Variants in CCN4 observed in about 807,000 individuals in gnomAD.
CCN4 encodes cellular communication network factor 4.
CCN4 carries 30 observed loss-of-function variants against 36.7 expected under a neutral mutation model. That is an observed-to-expected ratio of 0.82 (90% CI 0.61 to 1.11). CCN4 has a LOEUF of 1.11. CCN4 is among the 50% of genes least tolerant of loss of function. The pLI is 0.00. For missense variants in CCN4, 505 were observed against 504.9 expected (o/e 1.00, Z 0.00); for synonymous variants, 191 against 195.4 (o/e 0.98, Z 0.19).
chr8:133,201,814 G>C (rs888040445), intron 1 of CCN4, among the ~76,000 whole-genome samples: 3 of 151,544 alleles, frequency 2.0e-5, no homozygotes, highest in African/African-American at 7.3e-5. Flanking sequence ...CTGCACTCCA[G>C]CCTAGACGAT....
At chr8:133,213,181 G>C (rs762683348) in intron 2 of CCN4, 38 bp downstream of exon 2, 1 of 1,569,774 alleles carries the variant, frequency 6.4e-7, no homozygotes, top group Non-Finnish European at 8.7e-7. Context: ...CAGCCCCTGA[G>C]CACCCCCAGC....
chr8:133,198,277 C>T (rs979630383), intron 1 of CCN4, among the ~76,000 whole-genome samples: 2 of 152,224 alleles, frequency 1.3e-5, no homozygotes, highest in East Asian at 1.9e-4. Context: ...TTTAGATGTG[C>T]TTTGTCCCTC....
At chr8:133,223,918 C>A (rs1478207696) in intron 3 of CCN4, among the ~76,000 whole-genome samples, 1 of 152,146 alleles carries the variant, frequency 6.6e-6, no homozygotes, top group African/African-American at 2.4e-5. Flanking sequence ...CTTCTAGATG[C>A]GGGAGATACA....
At chr8:133,212,734 G>C in intron 1 of CCN4, 130 bp from the exon 2 acceptor site, 1 of 739,712 alleles carries the variant, frequency 1.4e-6, no homozygotes, top group Non-Finnish European at 2.2e-6. Flanking sequence ...GCTATCAAAA[G>C]CGTGATAGAA....
chr8:133,217,942 A>ACACACACG (rs1282980443), intron 2 of CCN4, among the ~76,000 whole-genome samples: 5 of 151,784 alleles, frequency 3.3e-5, no homozygotes, highest in Non-Finnish European at 7.4e-5. Context: ...TTCTCCACAC[A>ACACACACG]CACACACACA....
intron 2 of CCN4, among the ~76,000 whole-genome samples, chr8:133,215,854 A>T (rs1274289338): frequency 6.6e-6 from 1 of 152,222 alleles, no homozygotes; most frequent in Non-Finnish European, 1.5e-5. Flanking sequence ...AGAAATTCTC[A>T]GAGGCTTCAA....
chr8:133,231,227 C>T lies in CCN4; in HGVS notation c.*3517C>T, dbSNP rs1369722918. ...ACTATTATGTTGAACTATGTCGCTG[C>T]TTTTTACAAACTTGTCTTGATCCAA... is the stretch of plus-strand genomic sequence containing the variant. On this transcript the variant is annotated 3_prime_UTR_variant, in exon 5 of 5. Coordinates refer to ENST00000250160, the MANE Select transcript of CCN4 (RefSeq NM_003882.4). The T allele has an allele frequency of 6.6e-6, 1 of 152,130 alleles. No homozygotes were observed. The highest frequency in any genetic ancestry group is 6.5e-5 in the Admixed American group (1 of 15,268). 9.4% of individuals were successfully genotyped at this position (152,130 alleles called of 1,614,324 possible).
At position 133,225,488 on chromosome 8, in the gene CCN4, C is replaced by A. The variant is rs781544299; in HGVS notation, c.709C>A (p.Arg237=). ...STSCGLGVST[R]ISNVNAQCWP... The stretch of plus-strand genomic sequence containing the variant: ...CAGCTGCGGCCTGGGGGTCTCCACT[C>A]GGATCTCCAATGTTAACGCCCAGTG... Residue 237 remains arginine (R), a synonymous_variant, in exon 4 of 5, where the codon CGG becomes AGG. Coordinates refer to ENST00000250160, the MANE Select transcript of CCN4 (RefSeq NM_003882.4). The A allele has an allele frequency of 6.2e-7, 1 of 1,614,086 alleles. No individual in the cohort carries two copies. The highest frequency in any genetic ancestry group is 2.2e-5 in the East Asian group (1 of 44,884).
intron 1 of CCN4, among the ~76,000 whole-genome samples, chr8:133,197,905 CGGGTAATTCTAAGAGTAG>C (rs568931502): frequency 6.6e-6 from 1 of 152,150 alleles, no homozygotes; most frequent in South Asian, 2.1e-4. Flanking sequence ...GGGATGAAGG[CGGGTAATTCTAAGAGTAG>C]GGGAATATCC....
intron 1 of CCN4, among the ~76,000 whole-genome samples, chr8:133,197,017 C>T (rs1375655832): frequency 6.6e-6 from 1 of 152,086 alleles, no homozygotes; most frequent in African/African-American, 2.4e-5. Flanking sequence ...GGCCAGCTTA[C>T]CTGGCACATT....
chr8:133,202,076 T>C (rs1853607704), intron 1 of CCN4, among the ~76,000 whole-genome samples: 1 of 152,222 alleles, frequency 6.6e-6, no homozygotes, highest in Non-Finnish European at 1.5e-5. Flanking sequence ...CACTACTCTC[T>C]AAAACTGTGA....
chr8:133,227,352 AG>A, intron 4 of CCN4, 58 bp from the exon 5 acceptor site: 1 of 1,525,858 alleles, frequency 6.6e-7, no homozygotes, highest in South Asian at 1.3e-5. Context: ...GCTCAGGGGA[AG>A]AAGGTGGTTG....
chr8:133,217,980 G>C (rs910113851), intron 2 of CCN4, among the ~76,000 whole-genome samples: 1 of 60,518 alleles, frequency 1.7e-5, no homozygotes, highest in Non-Finnish European at 3.1e-5. Context: ...GAGAGACAGC[G>C]TGCAGGCAGA....
intron 1 of CCN4, among the ~76,000 whole-genome samples, chr8:133,208,126 G>C (rs770042016): frequency 4.6e-5 from 7 of 151,726 alleles, no homozygotes; most frequent in Non-Finnish European, 1.0e-4. Context: ...CCACTTTACT[G>C]ATCTGTTAAA....
chr8:133,193,451 A>G (rs1015912433), intron 1 of CCN4, among the ~76,000 whole-genome samples: 1 of 152,162 alleles, frequency 6.6e-6, no homozygotes, highest in Non-Finnish European at 1.5e-5. Flanking sequence ...TGTATTTGGG[A>G]ATTTAATCTG....
chr8:133,227,308 A>T (rs1326440308), intron 4 of CCN4, 103 bp from the exon 5 acceptor site: 1 of 1,224,798 alleles, frequency 8.2e-7, no homozygotes, highest in African/African-American at 1.5e-5. Flanking sequence ...GTAAGGTGGA[A>T]TGCTCCCACA....
intron 1 of CCN4, among the ~76,000 whole-genome samples, chr8:133,191,778 A>C (rs571850903): frequency 3.3e-5 from 5 of 152,192 alleles, no homozygotes; most frequent in Admixed American, 2.6e-4. Context: ...TCTAACCCCA[A>C]CTGCTGTCAC....
Position 133,227,890 on chromosome 8 carries a change from T to C in CCN4, c.*180T>C, listed in dbSNP as rs1225861298. On this transcript the variant is annotated 3_prime_UTR_variant, in exon 5 of 5. Transcript: ENST00000250160. ...TGCTGCTCAGGCCCATGCTATGAGT[T>C]TTCTCCTTGATATCATTCAGCATCT... 2.2e-5 allele frequency: 15 copies of C among 680,466 alleles called. No individual in the cohort carries two copies. The highest frequency in any genetic ancestry group is 2.6e-5 in the Non-Finnish European group (11 of 416,296). 42.2% of individuals were successfully genotyped at this position (680,466 alleles called of 1,614,324 possible).
chr8:133,210,789 T>C (rs1853993208), intron 1 of CCN4, among the ~76,000 whole-genome samples: 1 of 152,216 alleles, frequency 6.6e-6, no homozygotes, highest in African/African-American at 2.4e-5. Flanking sequence ...AAATGTCTAA[T>C]TTCTGAGCCT....
Sources: gnomAD v4.1 joint callset for allele counts (sites outside exome capture counted in the v4.1 genomes callset) on GRCh38, gnomAD v4.1.1 for gene constraint, MANE v1.5 for transcripts, NCBI Gene and HGNC (gene_info 2026-07-23, HGNC 2026-07-21) for gene names.